Variants in CSNK1G1 observed in about 807,000 individuals in gnomAD.
CSNK1G1 encodes casein kinase I isoform gamma-1.
Under a neutral mutation model 59.6 loss-of-function variants are expected in CSNK1G1, and 22 were observed. That is an observed-to-expected ratio of 0.37 (90% confidence interval 0.26 to 0.53). CSNK1G1 has a LOEUF of 0.53. CSNK1G1 is among the 20% of genes least tolerant of loss of function. The pLI, the probability that CSNK1G1 is intolerant of heterozygous loss-of-function variation, is 0.89. For synonymous variants in CSNK1G1, 179 were observed against 177.1 expected (o/e 1.01, Z -0.08); for missense variants, 384 against 519.5 (o/e 0.74, Z 2.54).
chr15:64,281,894 T>C (rs1894159393), intron 2 of CSNK1G1, among the ~76,000 whole-genome samples: 1 of 151,636 alleles, frequency 6.6e-6, no homozygotes, highest in Non-Finnish European at 1.5e-5. Context: ...TTAAAAATGA[T>C]TGAGATGGCA....
At chr15:64,189,193 C>G (rs535917813) in intron 10 of CSNK1G1, 9 of 238,404 alleles carry the variant, frequency 3.8e-5, no homozygotes, top group Middle Eastern at 1.9e-3. Context: ...TAGCTAACAG[C>G]GTCTAGACTG....
rs186506878 is a variant in CSNK1G1, at chr15:64,246,992, C to T, written c.292+4520G>A. Among the ~76,000 whole-genome samples the T allele has an allele frequency of 3.5e-3, 527 of 152,206 alleles. 3 individuals carry two copies. The highest frequency in any genetic ancestry group is 3.0e-3 in the Non-Finnish European group (207 of 68,030). On this transcript the variant is annotated intron_variant, in intron 4 of 11. Coordinates refer to ENST00000303052, the MANE Select transcript of CSNK1G1 (RefSeq NM_022048.5). Reference sequence around the variant, plus strand: ...TAACGAACATATACCACGCTGTTGTCATGTGGTCAGCTATGGAGTCATTCT... The same window carrying T: ...TAACGAACATATACCACGCTGTTGTTATGTGGTCAGCTATGGAGTCATTCT...
chr15:64,290,178 A>G (rs1427497862), intron 2 of CSNK1G1, among the ~76,000 whole-genome samples: 1 of 152,192 alleles, frequency 6.6e-6, no homozygotes, highest in African/African-American at 2.4e-5. Context: ...TAAAACCACC[A>G]TTTGATCCTG....
rs142951852 is a variant in CSNK1G1 at position 64,216,886 on chromosome 15, C to A, written c.293-173G>T. Among the ~76,000 whole-genome samples, 2 of 152,338 alleles carry A rather than the reference C, an allele frequency of 1.3e-5. No individual in the cohort carries two copies. Among genetic ancestry groups the A allele is most frequent in the Admixed American group, 1.3e-4 (2 of 15,306 alleles). On this transcript the variant is annotated intron_variant, in intron 4 of 11. Transcript: ENST00000303052. The surrounding 1 kb of genome is among the most constrained non-coding windows in gnomAD (Gnocchi z 4.6). ...CTGAGCACAACAGCTTCAATGGGAA[C>A]TAATAATGATGGGAAAGGCTAAGTC...
At chr15:64,332,833 A>G (rs1897186912) in intron 1 of CSNK1G1, among the ~76,000 whole-genome samples, 1 of 152,148 alleles carries the variant, frequency 6.6e-6, no homozygotes, top group African/African-American at 2.4e-5. Context: ...AAAATTTTTT[A>G]AAAGAATTTT....
At chr15:64,329,834 A>G (rs1185159293) in intron 1 of CSNK1G1, among the ~76,000 whole-genome samples, 2 of 86,660 alleles carry the variant, frequency 2.3e-5, no homozygotes, top group Non-Finnish European at 4.4e-5. Flanking sequence ...AAAAAATGAT[A>G]AAGGGGATAT....
intron 2 of CSNK1G1, among the ~76,000 whole-genome samples, chr15:64,264,928 G>A (rs1892900697): frequency 6.6e-6 from 1 of 152,266 alleles, no homozygotes; most frequent in South Asian, 2.1e-4. Context: ...ACTGAATGGG[G>A]AAAAATTAAA....
At position 64,200,638 on chromosome 15, in the gene CSNK1G1, G is replaced by A. The variant is rs1215518691; in HGVS notation, c.1107+2444C>T. On this transcript the variant is annotated intron_variant, in intron 10 of 11. Transcript: ENST00000303052. The surrounding 1 kb of genome is among the most constrained non-coding windows in gnomAD (Gnocchi z 4.3). ...TGGGATTACAGGCGTGAGCCACTGC[G>A]CCTGGCCGCATTATAGAGTAATAAA... Among the ~76,000 whole-genome samples the A allele has an allele frequency of 1.3e-5, 2 of 152,140 alleles. No individual in the cohort carries two copies. The highest frequency in any genetic ancestry group is 2.4e-5 in the African/African-American group (1 of 41,420).
intron 1 of CSNK1G1, among the ~76,000 whole-genome samples, chr15:64,323,535 T>C (rs1179855459): frequency 2.0e-5 from 3 of 152,104 alleles, no homozygotes; most frequent in Non-Finnish European, 4.4e-5. Context: ...CCAGCTAATT[T>C]TGTATTTTTA....
Position 64,201,706 on chromosome 15 carries a change from A to ATGTGTGTGTGTG in CSNK1G1, c.1107+1364_1107+1375dup, listed in dbSNP as rs10664838. Among the ~76,000 whole-genome samples the ATGTGTGTGTGTG allele has an allele frequency of 5.7e-3, 716 of 126,528 alleles. 3 individuals carry two copies. The highest frequency in any genetic ancestry group is 9.0e-3 in the Non-Finnish European group (552 of 61,124). 83.0% of individuals were successfully genotyped at this position (126,528 alleles called of 152,430 possible). A position where few individuals can be genotyped will look rare whatever the true frequency, so the allele number is the denominator to read the frequency against. On this transcript the variant is annotated intron_variant, in intron 10 of 11. Transcript: ENST00000303052. ...TATTTGTGGGTGTACTCCATTGGAC[A>ATGTGTGTGTGTG]TGTGTGTGTGTGTGTGTGTGTGTGT...
chr15:64,338,298 T>C (rs1897494346), intron 1 of CSNK1G1, among the ~76,000 whole-genome samples: 1 of 152,192 alleles, frequency 6.6e-6, no homozygotes, highest in Non-Finnish European at 1.5e-5. Context: ...GCTATCTTAA[T>C]GGATGTGAAG....
intron 1 of CSNK1G1, among the ~76,000 whole-genome samples, chr15:64,302,645 A>C (rs1384048306): frequency 6.6e-6 from 1 of 152,082 alleles, no homozygotes; most frequent in African/African-American, 2.4e-5. Context: ...AAATCCCTCA[A>C]ATGATATTAG....
intron 1 of CSNK1G1, among the ~76,000 whole-genome samples, chr15:64,335,413 T>A (rs1467343750): frequency 6.6e-6 from 1 of 152,114 alleles, no homozygotes; most frequent in Non-Finnish European, 1.5e-5. Context: ...GTTATACTTT[T>A]CCTTAAAAAA....
At chr15:64,254,360 T>G (rs1892256301) in intron 3 of CSNK1G1, among the ~76,000 whole-genome samples, 1 of 151,542 alleles carries the variant, frequency 6.6e-6, no homozygotes. Flanking sequence ...GAACTTTTTT[T>G]TTTTTTTTTT....
chr15:64,298,501 A>G (rs1895144052), intron 2 of CSNK1G1, among the ~76,000 whole-genome samples: 1 of 152,160 alleles, frequency 6.6e-6, no homozygotes, highest in South Asian at 2.1e-4. Context: ...CTCGTATTGT[A>G]AGTAGCATCT....
intron 1 of CSNK1G1, among the ~76,000 whole-genome samples, chr15:64,301,153 C>T (rs557202583): frequency 6.6e-6 from 1 of 152,178 alleles, no homozygotes; most frequent in African/African-American, 2.4e-5. Flanking sequence ...ATTCCCCTAT[C>T]CAAGCATTTA....
chr15:64,300,298 C>A, intron 2 of CSNK1G1, 21 bp downstream of exon 2: 2 of 1,610,200 alleles, frequency 1.2e-6, no homozygotes, highest in Admixed American at 1.7e-5. Context: ...GTAGAAGTCA[C>A]TGACATAACC....
chr15:64,326,473 G>C (rs542631933), intron 1 of CSNK1G1, among the ~76,000 whole-genome samples: 1 of 152,004 alleles, frequency 6.6e-6, no homozygotes, highest in Non-Finnish European at 1.5e-5. Context: ...GTGAAACTCC[G>C]TCTCTACTAA....
chr15:64,248,194 G>A (rs1891859153), intron 4 of CSNK1G1, among the ~76,000 whole-genome samples: 3 of 152,158 alleles, frequency 2.0e-5, no homozygotes, highest in Admixed American at 2.0e-4. Context: ...ACTTGCAGCT[G>A]AGAACTTACT....
Sources: allele counts gnomAD v4.1 joint callset (sites outside exome capture counted in the v4.1 genomes callset), GRCh38; gene constraint gnomAD v4.1.1; non-coding constraint Gnocchi (gnomAD v3.1); transcripts MANE v1.5; gene names NCBI Gene and HGNC (gene_info 2026-07-23, HGNC 2026-07-21).